CNTN5: variants seen among roughly 807,000 people sequenced by gnomAD.
CNTN5 encodes contactin 5.
CNTN5 carries 77 observed loss-of-function variants against 129.1 expected under a neutral mutation model. The ratio of observed to expected loss-of-function variants is 0.60; its 90% CI spans 0.50 to 0.72. CNTN5 has a LOEUF of 0.72. Ranked by LOEUF, CNTN5 falls within the 30% of genes least tolerant of loss-of-function variation. The pLI is 0.00. For synonymous variants in CNTN5, 509 were observed against 465.6 expected (o/e 1.09, Z -1.20); for missense variants, 1,478 against 1,328.8 (o/e 1.11, Z -1.75).
At chr11:100,294,657 T>G (rs1207314127) in intron 18 of CNTN5, among the ~76,000 whole-genome samples, 1 of 151,686 alleles carries the variant, frequency 6.6e-6, no homozygotes, top group Non-Finnish European at 1.5e-5. Flanking sequence ...TAAAATATAT[T>G]TTGTTTTAAA....
intron 6 of CNTN5, among the ~76,000 whole-genome samples, chr11:99,908,751 T>C (rs989716149): frequency 6.6e-6 from 1 of 152,116 alleles, no homozygotes; most frequent in African/African-American, 2.4e-5. Context: ...ATCAAAAATA[T>C]TTTTATCACA....
chr11:99,064,658 A>G (rs1865028167), intron 1 of CNTN5, among the ~76,000 whole-genome samples: 1 of 152,112 alleles, frequency 6.6e-6, no homozygotes, highest in Admixed American at 6.6e-5. Context: ...ACTTGAACCC[A>G]AATGTTTCAA....
chr11:100,289,997 C>T (rs966270801), intron 18 of CNTN5, among the ~76,000 whole-genome samples: 2 of 150,450 alleles, frequency 1.3e-5, no homozygotes, highest in African/African-American at 4.9e-5. Flanking sequence ...GAGTGAACTC[C>T]CATTCACAAT....
intron 1 of CNTN5, among the ~76,000 whole-genome samples, chr11:99,300,108 A>G (rs959018236): frequency 6.6e-6 from 1 of 151,734 alleles, no homozygotes; most frequent in African/African-American, 2.4e-5. Flanking sequence ...GACGCCTTTT[A>G]TTTCTTTTTC....
At chr11:99,425,015 G>A (rs1185721832) in intron 2 of CNTN5, among the ~76,000 whole-genome samples, 1 of 152,154 alleles carries the variant, frequency 6.6e-6, no homozygotes, top group African/African-American at 2.4e-5. Flanking sequence ...ATAGTGGGTA[G>A]CTCCTTTCTA....
intron 2 of CNTN5, among the ~76,000 whole-genome samples, chr11:99,348,191 T>C (rs1196702362): frequency 6.6e-6 from 1 of 152,024 alleles, no homozygotes; most frequent in African/African-American, 2.4e-5. Context: ...TACAAAAAAT[T>C]AGCCAGGCGT....
intron 1 of CNTN5, among the ~76,000 whole-genome samples, chr11:99,297,328 G>A (rs560225373): frequency 2.7e-4 from 41 of 152,114 alleles, no homozygotes; most frequent in Non-Finnish European, 5.0e-4. Context: ...GTCTTTCCCA[G>A]CAGTCCCATC....
intron 3 of CNTN5, among the ~76,000 whole-genome samples, chr11:99,737,376 T>TA (rs899451063): frequency 3.3e-5 from 5 of 152,278 alleles, no homozygotes; most frequent in Non-Finnish European, 5.9e-5. Context: ...TTACTGTTGA[T>TA]AAAAAATATA....
intron 3 of CNTN5, among the ~76,000 whole-genome samples, chr11:99,731,519 C>G (rs754411606): frequency 3.3e-5 from 5 of 152,002 alleles, no homozygotes; most frequent in Non-Finnish European, 7.4e-5. Flanking sequence ...TAAATTAAGC[C>G]CTTATTTAGA....
chr11:99,917,134 C>G (rs910900576), intron 7 of CNTN5, among the ~76,000 whole-genome samples: 5 of 151,972 alleles, frequency 3.3e-5, no homozygotes, highest in South Asian at 2.1e-4. Context: ...CGAAAGTATG[C>G]TGCATATCAA....
chr11:100,193,812 G>A (rs1436588639), intron 15 of CNTN5, 149 bp downstream of exon 15: 2 of 654,400 alleles, frequency 3.1e-6, no homozygotes, highest in Non-Finnish European at 5.0e-6. Context: ...ATTATTTTAT[G>A]TTATGTCAAA....
chr11:100,029,486 G>C (rs1591083162), intron 9 of CNTN5, among the ~76,000 whole-genome samples: 1 of 152,260 alleles, frequency 6.6e-6, no homozygotes, highest in Non-Finnish European at 1.5e-5. Flanking sequence ...GGGAGGCTGA[G>C]GCAGGAGAAT....
intron 8 of CNTN5, among the ~76,000 whole-genome samples, chr11:99,976,153 T>C (rs1295694964): frequency 6.6e-6 from 1 of 152,208 alleles, no homozygotes. Flanking sequence ...CTCCATTGAC[T>C]CCACGTCTCA....
chr11:99,961,987 T>C (rs1950959239), intron 8 of CNTN5, among the ~76,000 whole-genome samples: 1 of 110,948 alleles, frequency 9.0e-6, no homozygotes, highest in South Asian at 2.4e-4. Flanking sequence ...TAGATATAGT[T>C]ATATATACAT....
At chr11:100,002,767 G>T (rs1407278455) in intron 9 of CNTN5, among the ~76,000 whole-genome samples, 1 of 152,064 alleles carries the variant, frequency 6.6e-6, no homozygotes, top group Non-Finnish European at 1.5e-5. Context: ...TACAGTATAG[G>T]TATTGAGATC....
Position 100,343,002 on chromosome 11 carries a change from T to C in CNTN5, c.3030+1797T>C, listed in dbSNP as rs535295748. 7.2e-5 allele frequency among the ~76,000 whole-genome samples: 11 copies of C among 152,282 alleles called. No homozygotes were observed. In the East Asian group the frequency reaches 1.5e-3, roughly 21 times the overall value. The stretch of plus-strand genomic sequence containing the variant: ...TTATACAGGATTTTCTAAAGAATAA[T>C]TTGTATAAAATGCTTGGCATATAAA... On this transcript the variant is annotated intron_variant, in intron 23 of 24. Coordinates refer to ENST00000524871, the MANE Select transcript of CNTN5 (RefSeq NM_014361.4).
At chr11:99,302,886 A>C (rs1864707321) in intron 1 of CNTN5, among the ~76,000 whole-genome samples, 2 of 151,438 alleles carry the variant, frequency 1.3e-5, no homozygotes, top group South Asian at 4.1e-4. Flanking sequence ...GGAACACTAG[A>C]CTTCACTAAT....
At chr11:99,678,225 G>T (rs79582140) in intron 3 of CNTN5, among the ~76,000 whole-genome samples, 5,302 of 152,020 alleles carry the variant, frequency 0.035, 312 homozygotes, top group African/African-American at 0.12. Flanking sequence ...TTCTACAAAA[G>T]AACTTAACTA....
chr11:99,392,370 G>A (rs984148408), intron 2 of CNTN5, among the ~76,000 whole-genome samples: 8 of 151,844 alleles, frequency 5.3e-5, no homozygotes, highest in African/African-American at 1.9e-4. Context: ...TCCTATTTAG[G>A]TTGATAAAAG....
Sources: gnomAD v4.1 joint callset for allele counts (sites outside exome capture counted in the v4.1 genomes callset) on GRCh38, gnomAD v4.1.1 for gene constraint, MANE v1.5 for transcripts, NCBI Gene and HGNC (gene_info 2026-07-23, HGNC 2026-07-21) for gene names.